The following CDKAL1 variants were observed in gnomAD, a reference collection of about 807,000 sequenced individuals.
CDKAL1 encodes threonylcarbamoyladenosine tRNA methylthiotransferase.
Under a neutral mutation model 68.2 loss-of-function variants are expected in CDKAL1, and 32 were observed. The ratio of observed to expected loss-of-function variants is 0.47; its 90% CI spans 0.35 to 0.63. The LOEUF (loss-of-function observed/expected upper bound fraction) is 0.63, where lower values mean the gene tolerates loss of function less well. Ranked by LOEUF, CDKAL1 falls within the 30% of genes least tolerant of loss-of-function variation. The pLI, the probability that CDKAL1 is intolerant of heterozygous loss-of-function variation, is 0.00. For missense variants in CDKAL1, 606 were observed against 696.7 expected, an observed-to-expected ratio of 0.87 and a Z score of 1.47; for synonymous variants, 234 against 244.3, an observed-to-expected ratio of 0.96 and a Z score of 0.39.
intron 4 of CDKAL1, among the ~76,000 whole-genome samples, chr6:20,588,682 A>G (rs1235417529): frequency 6.6e-6 from 1 of 152,210 alleles, no homozygotes; most frequent in Non-Finnish European, 1.5e-5. Context: ...TTAAGAGGCA[A>G]CATTAGTAAA....
At chr6:20,897,919 CTATT>C (rs1761776658) in intron 9 of CDKAL1, among the ~76,000 whole-genome samples, 1 of 151,958 alleles carries the variant, frequency 6.6e-6, no homozygotes, top group Admixed American at 6.6e-5. Context: ...CAATAAAAAT[CTATT>C]TAAGATTGGA....
chr6:20,610,714 A>G (rs770787035), intron 4 of CDKAL1, among the ~76,000 whole-genome samples: 4 of 151,924 alleles, frequency 2.6e-5, no homozygotes, highest in Non-Finnish European at 4.4e-5. Flanking sequence ...ATAAAATATA[A>G]AAGGCAGGGA....
chr6:20,541,893 C>T lies in CDKAL1; in HGVS notation c.-5-4453C>T, dbSNP rs577693384. Among the ~76,000 whole-genome samples, 7 of 152,368 alleles carry T rather than the reference C, an allele frequency of 4.6e-5. No homozygotes were observed. In the South Asian group the frequency reaches 1.4e-3, roughly 32 times the overall value. On this transcript the variant is annotated intron_variant, in intron 2 of 15. Transcript: ENST00000274695. ...CAGGCTGGTCATGAACTCCCAACCT[C>T]AGGTGATCTGTCCGCCTTGGCCTCC...
intron 9 of CDKAL1, among the ~76,000 whole-genome samples, chr6:20,912,111 C>G (rs988229151): frequency 6.6e-6 from 1 of 152,152 alleles, no homozygotes; most frequent in Admixed American, 6.5e-5. Flanking sequence ...AATGAGAGTG[C>G]ATGAAGAAAT....
In CDKAL1 at chr6:21,192,580, CT is replaced by C. The variant is rs1318872130; in HGVS notation, c.1300-5438del. Among the ~76,000 whole-genome samples, 10 of 149,914 alleles carry C rather than the reference CT, an allele frequency of 6.7e-5. No homozygotes were observed. The South Asian group carries it at 1.7e-3, about 25-fold the overall frequency. ...ACAATCAAGTTACTACAATCAGTTA[CT>C]TTCCTGACAGATCTCTTAAAAGGCA... On this transcript the variant is annotated intron_variant, in intron 13 of 15. Coordinates refer to ENST00000274695, the MANE Select transcript of CDKAL1 (RefSeq NM_017774.3).
At chr6:20,798,393 A>AT (rs1315720538) in intron 8 of CDKAL1, among the ~76,000 whole-genome samples, 2 of 152,202 alleles carry the variant, frequency 1.3e-5, no homozygotes, top group African/African-American at 4.8e-5. Flanking sequence ...TGTGAAGAAA[A>AT]TAATATTTAT....
At chr6:21,124,715 G>A (rs1050619791) in intron 13 of CDKAL1, among the ~76,000 whole-genome samples, 1 of 151,580 alleles carries the variant, frequency 6.6e-6, no homozygotes, top group Non-Finnish European at 1.5e-5. Context: ...CTTGGTGGCA[G>A]TTTTCTCCTG....
At chr6:20,900,841 A>G (rs1359086558) in intron 9 of CDKAL1, among the ~76,000 whole-genome samples, 1 of 150,808 alleles carries the variant, frequency 6.6e-6, no homozygotes, top group Non-Finnish European at 1.5e-5. Context: ...TGTTTTATAA[A>G]CACATGGTAG....
intron 4 of CDKAL1, among the ~76,000 whole-genome samples, chr6:20,585,960 C>T (rs1765337598): frequency 6.6e-6 from 1 of 152,056 alleles, no homozygotes; most frequent in African/African-American, 2.4e-5. Flanking sequence ...ACTAATCTCC[C>T]CCACAAATCT....
rs552109452 is a variant in CDKAL1, at chr6:21,090,392, A to G, written c.1237-18009A>G. 2.3e-4 allele frequency among the ~76,000 whole-genome samples: 35 copies of G among 152,312 alleles called. 1 individual carries two copies. In the South Asian group the frequency reaches 4.1e-3, roughly 18 times the overall value. ...CCAAAAGGGTAAGCACAACTTCAAC[A>G]CATTTGATTGCTTTCCATACCTAGC... On this transcript the variant is annotated intron_variant, in intron 12 of 15. Coordinates refer to ENST00000274695, the MANE Select transcript of CDKAL1 (RefSeq NM_017774.3).
At chr6:20,802,195 G>T (rs1277015381) in intron 8 of CDKAL1, among the ~76,000 whole-genome samples, 1 of 151,902 alleles carries the variant, frequency 6.6e-6, no homozygotes, top group Non-Finnish European at 1.5e-5. Context: ...CTACTCGGGA[G>T]GCTGAGGCAG....
chr6:20,830,712 A>G (rs1023870507), intron 8 of CDKAL1, among the ~76,000 whole-genome samples: 18 of 150,110 alleles, frequency 1.2e-4, no homozygotes, highest in African/African-American at 3.9e-4. Context: ...CTCCTCTCCT[A>G]TTAAGAATTA....
intron 13 of CDKAL1, among the ~76,000 whole-genome samples, chr6:21,183,021 A>G (rs1031239732): frequency 1.3e-5 from 2 of 152,186 alleles, no homozygotes; most frequent in African/African-American, 4.8e-5. Flanking sequence ...AAATTCATGT[A>G]TGCAAAGGGA....
chr6:20,653,753 T>C (rs1416145228), intron 5 of CDKAL1, among the ~76,000 whole-genome samples: 3 of 151,680 alleles, frequency 2.0e-5, no homozygotes, highest in Non-Finnish European at 4.4e-5. Context: ...TAGGTGGGAT[T>C]ACAGGCGTGC....
chr6:21,138,107 C>G (rs1270313699), intron 13 of CDKAL1, among the ~76,000 whole-genome samples: 1 of 152,164 alleles, frequency 6.6e-6, no homozygotes, highest in Non-Finnish European at 1.5e-5. Flanking sequence ...TTACATCCCT[C>G]AACCCCAAAA....
chr6:21,151,433 A>T (rs1345947969), intron 13 of CDKAL1, among the ~76,000 whole-genome samples: 1 of 152,222 alleles, frequency 6.6e-6, no homozygotes, highest in African/African-American at 2.4e-5. Flanking sequence ...TGTCTACCTA[A>T]GAAATGACTC....
At chr6:21,015,925 G>A (rs1343336486) in intron 11 of CDKAL1, among the ~76,000 whole-genome samples, 17 of 150,034 alleles carry the variant, frequency 1.1e-4, no homozygotes, top group Non-Finnish European at 2.1e-4. Context: ...TTCAGCCTGG[G>A]TGACAGAGCG....
At chr6:21,115,036 CA>C (rs1441592326) in intron 13 of CDKAL1, among the ~76,000 whole-genome samples, 1 of 152,114 alleles carries the variant, frequency 6.6e-6, no homozygotes, top group Non-Finnish European at 1.5e-5. Flanking sequence ...AAATCTATAT[CA>C]AAAGCCTTGG....
intron 5 of CDKAL1, among the ~76,000 whole-genome samples, chr6:20,715,196 A>C (rs1011368368): frequency 1.3e-5 from 2 of 152,100 alleles, no homozygotes; most frequent in Non-Finnish European, 2.9e-5. Flanking sequence ...CCTTTGACCT[A>C]CATCTCCCTA....
Sources: allele counts gnomAD v4.1 joint callset (sites outside exome capture counted in the v4.1 genomes callset), GRCh38; gene constraint gnomAD v4.1.1; transcripts MANE v1.5; gene names NCBI Gene and HGNC (gene_info 2026-07-23, HGNC 2026-07-21).